The following FLT3 variants were observed in gnomAD, a reference collection of about 807,000 sequenced individuals.
FLT3 encodes fms related receptor tyrosine kinase 3, also known as receptor-type tyrosine-protein kinase FLT3.
In FLT3, 46 loss-of-function variants were observed where a neutral mutation model predicts 126.6. That is an observed-to-expected ratio of 0.36 (90% CI 0.29 to 0.46). The LOEUF is 0.46. Ranked by LOEUF, FLT3 falls within the 20% of genes least tolerant of loss-of-function variation. The pLI, the probability that FLT3 is intolerant of heterozygous loss-of-function variation, is 1.00. For missense variants in FLT3, 1,069 were observed against 1,190.3 expected (o/e 0.90, Z 1.50); for synonymous variants, 404 against 434.4 (o/e 0.93, Z 0.87).
At chr13:28,048,202 C>G in intron 9 of FLT3, 73 bp downstream of exon 9, 1 of 1,210,090 alleles carries the variant, frequency 8.3e-7, no homozygotes, top group Non-Finnish European at 1.2e-6. Context: ...AAGTATAAAA[C>G]TGTCCTTCTC....
At chr13:28,034,517 T>G in intron 12 of FLT3, 110 bp from the exon 13 acceptor site, 1 of 793,540 alleles carries the variant, frequency 1.3e-6, no homozygotes, top group Non-Finnish European at 2.1e-6. Flanking sequence ...ATAATCATTT[T>G]CAGTCCTAAC....
intron 17 of FLT3, 44 bp downstream of exon 17, chr13:28,027,044 C>A (rs762768197): frequency 1.3e-6 from 2 of 1,568,216 alleles, no homozygotes; most frequent in Non-Finnish European, 1.7e-6. Flanking sequence ...ACTTTGCCTA[C>A]GTTCTATGAT....
intron 1 of FLT3, among the ~76,000 whole-genome samples, chr13:28,072,633 T>C (rs558573255): frequency 6.6e-5 from 10 of 152,312 alleles, no homozygotes; most frequent in Non-Finnish European, 1.2e-4. Flanking sequence ...TGGCCTCAAG[T>C]GATTCAGCTG....
At position 28,069,422 on chromosome 13, in the gene FLT3, A is replaced by G. The variant is rs528520790; in HGVS notation, c.165+1069T>C. Among the ~76,000 whole-genome samples, 5 of 152,316 alleles carry G rather than the reference A, an allele frequency of 3.3e-5. No homozygotes were observed. The East Asian group carries it at 9.6e-4, about 29-fold the overall frequency. ...GGTATAAACAGAAATCAATAAATAC[A>G]AGAATAAGAGCAGGCTTGGGGAAAT... On this transcript the variant is annotated intron_variant, in intron 2 of 23. Transcript: ENST00000241453.
chr13:28,018,380 T>C, intron 20 of FLT3, 87 bp downstream of exon 20: 1 of 1,470,606 alleles, frequency 6.8e-7, no homozygotes, highest in Non-Finnish European at 9.4e-7. Context: ...AAATCAAAAA[T>C]GCACCACAGT....
chr13:28,039,303 G>A (rs1479712183), intron 9 of FLT3, among the ~76,000 whole-genome samples: 8 of 151,978 alleles, frequency 5.3e-5, no homozygotes, highest in Non-Finnish European at 1.0e-4. Context: ...CCAGGTTCAA[G>A]CGATTCTCCT....
intron 23 of FLT3, among the ~76,000 whole-genome samples, chr13:28,005,194 C>T (rs1465798557): frequency 2.0e-5 from 3 of 152,050 alleles, no homozygotes; most frequent in Non-Finnish European, 2.9e-5. Context: ...CCGGGCATGG[C>T]GGCGCGCGCC....
chr13:28,035,908 T>C lies in FLT3; in HGVS notation c.1418+27A>G, dbSNP rs73154803. On this transcript the variant is annotated intron_variant, in intron 11 of 23. Coordinates refer to ENST00000241453, the MANE Select transcript of FLT3 (RefSeq NM_004119.3). ...GTCAGAGAGTTTTATGTTCTTCCAT[T>C]ATAAGAGGCATCAATGTCCTTATTA... 1.8e-3 allele frequency: 2,803 copies of C among 1,520,690 alleles called. 56 individuals are homozygous for C. The African/African-American group carries it at 0.031, about 17-fold the overall frequency. The allele number at this position is 1,520,690 out of a possible 1,614,324, so 94.2% of individuals were successfully genotyped here. A position where few individuals can be genotyped will look rare whatever the true frequency, so the allele number is the denominator to read the frequency against.
chr13:28,069,627 A>G lies in FLT3; in HGVS notation c.165+864T>C, dbSNP rs553820852. 3.3e-5 allele frequency among the ~76,000 whole-genome samples: 5 copies of G among 152,314 alleles called. No individual in the cohort carries two copies. In the South Asian group the frequency reaches 1.0e-3, roughly 32 times the overall value. On this transcript the variant is annotated intron_variant, in intron 2 of 23. Coordinates refer to ENST00000241453, the MANE Select transcript of FLT3 (RefSeq NM_004119.3). The stretch of plus-strand genomic sequence containing the variant: ...AACCATGGGTTCCGCATCCATGGAT[A>G]CAACCAACCACAGATTGAAAATATT...
chr13:28,097,188 C>A (rs1402372914), intron 1 of FLT3, among the ~76,000 whole-genome samples: 4 of 150,626 alleles, frequency 2.7e-5, no homozygotes, highest in African/African-American at 9.8e-5. Context: ...TGCACTCCAG[C>A]CTCAATGACA....
At position 28,015,721 on chromosome 13, in the gene FLT3, G is replaced by A. The variant is rs79999978; in HGVS notation, c.2542-20C>T. On this transcript the variant is annotated intron_variant, in intron 20 of 23. Transcript: ENST00000241453. The stretch of plus-strand genomic sequence containing the variant: ...ACGGGCCTGTGGAAAACCCAGAGGA[G>A]ATAAGATGGTGAATTTTCCACATAC... The A allele has an allele frequency of 5.3e-4, 780 of 1,463,872 alleles. 2 individuals carry two copies. In the African/African-American group the frequency reaches 9.9e-3, roughly 19 times the overall value. 90.7% of individuals were successfully genotyped at this position (1,463,872 alleles called of 1,614,324 possible).
chr13:28,056,877 T>C (rs1186473488), intron 4 of FLT3, among the ~76,000 whole-genome samples: 1 of 152,236 alleles, frequency 6.6e-6, no homozygotes, highest in Non-Finnish European at 1.5e-5. Flanking sequence ...GACAAGATCA[T>C]TTTCATCATC....
chr13:28,022,457 A>C (rs1371729789), intron 19 of FLT3, among the ~76,000 whole-genome samples: 4 of 152,118 alleles, frequency 2.6e-5, no homozygotes, highest in African/African-American at 9.7e-5. Flanking sequence ...GGTTGTAGTG[A>C]GCCAAGATCA....
chr13:28,040,547 T>A (rs75993129), intron 9 of FLT3, among the ~76,000 whole-genome samples: 1 of 147,952 alleles, frequency 6.8e-6, no homozygotes, highest in Non-Finnish European at 1.5e-5. Context: ...ACAAAAAAAA[T>A]CCACAAAACG....
At chr13:28,010,606 G>T (rs1421789381) in intron 23 of FLT3, among the ~76,000 whole-genome samples, 1 of 152,224 alleles carries the variant, frequency 6.6e-6, no homozygotes, top group African/African-American at 2.4e-5. Flanking sequence ...TCCCATTGGT[G>T]TTGAGGTTAG....
intron 1 of FLT3, among the ~76,000 whole-genome samples, chr13:28,091,100 T>G (rs1218526729): frequency 1.3e-5 from 2 of 151,908 alleles, no homozygotes; most frequent in East Asian, 1.9e-4. Context: ...AGCTCTCTTC[T>G]GTGAGGCAAA....
chr13:28,020,657 C>T (rs998549454), intron 19 of FLT3, among the ~76,000 whole-genome samples: 3 of 152,082 alleles, frequency 2.0e-5, no homozygotes, highest in African/African-American at 7.2e-5. Context: ...TCAGTGTCAT[C>T]TTCGACTTGC....
intron 23 of FLT3, among the ~76,000 whole-genome samples, chr13:28,007,765 A>G (rs961295034): frequency 4.6e-5 from 7 of 152,180 alleles, no homozygotes; most frequent in African/African-American, 1.7e-4. Flanking sequence ...AACCTACTTC[A>G]GGAGATTGAG....
At chr13:28,012,942 A>T (rs555120016) in intron 23 of FLT3, among the ~76,000 whole-genome samples, 8 of 152,232 alleles carry the variant, frequency 5.3e-5, no homozygotes, top group African/African-American at 1.7e-4. Context: ...GTCTCAAAAA[A>T]AAAAAAAGTG....
Sources: allele counts gnomAD v4.1 joint callset (sites outside exome capture counted in the v4.1 genomes callset), GRCh38; gene constraint gnomAD v4.1.1; transcripts MANE v1.5; gene names NCBI Gene and HGNC (gene_info 2026-07-23, HGNC 2026-07-21).